The following ZNG1A variants were observed in gnomAD, a reference collection of about 807,000 sequenced individuals.
The protein encoded by ZNG1A is Zn regulated GTPase metalloprotein activator 1A, also known as zinc-regulated GTPase metalloprotein activator 1A.
the ZNG1A span, among the ~76,000 whole-genome samples, chr9:128,677 A>C: frequency 6.7e-6 from 1 of 149,652 alleles, no homozygotes; most frequent in Non-Finnish European, 1.5e-5. Flanking sequence ...TTTTTCAAGT[A>C]AGTCAGGGAT....
chr9:159,670 A>G, the ZNG1A span, among the ~76,000 whole-genome samples: 3 of 151,210 alleles, frequency 2.0e-5, no homozygotes, highest in Non-Finnish European at 4.4e-5. Context: ...GCAGAAATAA[A>G]GAAAGAAGCC....
chr9:156,335 T>G, the ZNG1A span: 2 of 1,144,086 alleles, frequency 1.7e-6, no homozygotes, highest in Admixed American at 5.4e-5. Flanking sequence ...TATAAATAGA[T>G]AGCAATAATT....
At chr9:129,754 G>C in the ZNG1A span, among the ~76,000 whole-genome samples, 1 of 133,674 alleles carries the variant, frequency 7.5e-6, no homozygotes, top group African/African-American at 2.6e-5. Context: ...ACAATGTACA[G>C]ACAGTTAACA....
chr9:160,274 G>C, the ZNG1A span: 4,775 of 434,592 alleles, frequency 0.011, 117 homozygotes, highest in African/African-American at 0.056. Flanking sequence ...CTTTACTTGT[G>C]ATGGGCTGGC....
At chr9:137,598 G>A in the ZNG1A span, among the ~76,000 whole-genome samples, 9 of 151,556 alleles carry the variant, frequency 5.9e-5, no homozygotes, top group African/African-American at 2.2e-4. Flanking sequence ...AAGAAGAAAA[G>A]GATCATCGAG....
At chr9:162,944 C>T in the ZNG1A span, among the ~76,000 whole-genome samples, 1 of 151,958 alleles carries the variant, frequency 6.6e-6, no homozygotes. Flanking sequence ...TCACCAAATC[C>T]AAATCCAACT....
the ZNG1A span, among the ~76,000 whole-genome samples, chr9:140,537 A>T: frequency 2.0e-5 from 3 of 151,862 alleles, no homozygotes; most frequent in Non-Finnish European, 4.4e-5. Context: ...AAAGACCAAA[A>T]GTAGATAAAA....
At chr9:143,156 T>C in the ZNG1A span, among the ~76,000 whole-genome samples, 110 of 148,090 alleles carry the variant, frequency 7.4e-4, no homozygotes, top group African/African-American at 2.8e-3. Context: ...ACTATTCCAA[T>C]CAATAGAAAA....
chr9:146,169 G>T, the ZNG1A span: 1 of 1,578,264 alleles, frequency 6.3e-7, no homozygotes, highest in Non-Finnish European at 8.6e-7. Flanking sequence ...CTAAAAGGAA[G>T]AAAACTAACG....
chr9:173,937 G>A, the ZNG1A span, among the ~76,000 whole-genome samples: 1 of 152,076 alleles, frequency 6.6e-6, no homozygotes, highest in African/African-American at 2.4e-5. Context: ...CACGAGGTCA[G>A]GAGACCGAGA....
the ZNG1A span, among the ~76,000 whole-genome samples, chr9:174,532 T>C: frequency 6.6e-6 from 1 of 151,962 alleles, no homozygotes; most frequent in East Asian, 1.9e-4. Context: ...ATAGTAAGAA[T>C]AAATGTAATC....
the ZNG1A span, among the ~76,000 whole-genome samples, chr9:159,646 G>T: frequency 6.6e-6 from 1 of 151,242 alleles, no homozygotes; most frequent in Non-Finnish European, 1.5e-5. Flanking sequence ...AAGGGCTATA[G>T]GGTGTCCTTT....
chr9:124,606 T>C, the ZNG1A span, among the ~76,000 whole-genome samples: 19,895 of 92,470 alleles, frequency 0.22, no homozygotes, highest in East Asian at 0.42. Flanking sequence ...CAGGTGGTGT[T>C]GGTTAACTTC....
chr9:140,315 T>C, the ZNG1A span, among the ~76,000 whole-genome samples: 2 of 151,820 alleles, frequency 1.3e-5, no homozygotes, highest in Admixed American at 6.6e-5. Flanking sequence ...GCTGGAGATC[T>C]GAGAACGGGC....
At chr9:137,547 A>G in the ZNG1A span, among the ~76,000 whole-genome samples, 1 of 152,186 alleles carries the variant, frequency 6.6e-6, no homozygotes, top group African/African-American at 2.4e-5. Context: ...CTAGTGAAAC[A>G]GCACTGATAG....
the ZNG1A span, among the ~76,000 whole-genome samples, chr9:140,035 G>T: frequency 6.6e-6 from 1 of 150,576 alleles, no homozygotes; most frequent in South Asian, 2.1e-4. Context: ...CTCGCTGATT[G>T]CTAGCACAGC....
At chr9:163,415 A>G in the ZNG1A span, among the ~76,000 whole-genome samples, 1 of 151,956 alleles carries the variant, frequency 6.6e-6, no homozygotes, top group Non-Finnish European at 1.5e-5. Context: ...AAACCTACAA[A>G]GCATTTTTTT....
the ZNG1A span, chr9:177,782 A>T: frequency 1.3e-6 from 2 of 1,536,154 alleles, no homozygotes; most frequent in Non-Finnish European, 1.8e-6. Flanking sequence ...TTTGGACAAG[A>T]AATTTGTTCA....
At chr9:138,523 T>C in the ZNG1A span, among the ~76,000 whole-genome samples, 4 of 116,630 alleles carry the variant, frequency 3.4e-5, no homozygotes, top group African/African-American at 1.5e-4. Flanking sequence ...ATGTGAACAA[T>C]ACTACAGACT....
Sources: allele counts gnomAD v4.1 joint callset (sites outside exome capture counted in the v4.1 genomes callset), GRCh38; gene constraint gnomAD v4.1.1; transcripts MANE v1.5; gene names NCBI Gene and HGNC (gene_info 2026-07-23, HGNC 2026-07-21).